Variants in NLRP12 observed in about 807,000 individuals in gnomAD.
The protein encoded by NLRP12 is NLR family pyrin domain containing 12.
In NLRP12, 108 loss-of-function variants were observed where a neutral mutation model predicts 91.2. The observed-to-expected ratio is 1.18, with a 90% confidence interval of 1.01 to 1.39. The LOEUF (loss-of-function observed/expected upper bound fraction) is 1.39, where lower values mean the gene tolerates loss of function less well. Among genes scored for constraint, NLRP12 ranks in the 40% most tolerant of loss-of-function variants. The pLI is 0.00. For synonymous variants in NLRP12, 613 were observed against 566.7 expected, an observed-to-expected ratio of 1.08 and a Z score of -1.16; for missense variants, 1,530 against 1,352.7, an observed-to-expected ratio of 1.13 and a Z score of -2.06.
At position 53,798,333 on chromosome 19, in the gene NLRP12, A is replaced by G. The variant is rs1021523642; in HGVS notation, c.2837T>C (p.Leu946Pro). Residue 946 changes from leucine (L) to proline (P), a missense_variant, in exon 8 of 10, where the codon CTG becomes CCG. Coordinates refer to ENST00000324134, the MANE Select transcript of NLRP12 (RefSeq NM_144687.4). The part of the protein sequence containing the change: ...VLQANHNLRE[L>P]DLSFNDLGDW... ...TCCCAGGTCGTTGAAACTCAAGTCC[A>G]GCTCCCGGAGGTTGTGGTTGGCCTG... 2.5e-6 allele frequency: 4 copies of G among 1,613,990 alleles called. No homozygotes were observed. The highest frequency in any genetic ancestry group is 2.2e-5 in the East Asian group (1 of 44,878).
intron 1 of NLRP12, among the ~76,000 whole-genome samples, chr19:53,818,626 C>T (rs1243437646): frequency 6.6e-6 from 1 of 152,092 alleles, no homozygotes; most frequent in Non-Finnish European, 1.5e-5. Flanking sequence ...GAACGCACCA[C>T]TGCACTCCGG....
At chr19:53,798,446 G>A (rs1291553816) in intron 7 of NLRP12, 33 bp from the exon 8 acceptor site, 3 of 1,603,614 alleles carry the variant, frequency 1.9e-6, no homozygotes, top group Non-Finnish European at 2.6e-6. Context: ...CGGAGTGGGA[G>A]GCATTCCTCC....
chr19:53,823,740 G>C (rs1347065403), intron 1 of NLRP12, 146 bp downstream of exon 1: 1 of 909,604 alleles, frequency 1.1e-6, no homozygotes, highest in Non-Finnish European at 1.8e-6. Context: ...GGTAGAGACA[G>C]AGCCTCACTA....
chr19:53,807,494 C>A lies in NLRP12; in HGVS notation c.2243+1G>T. ...AAACGCCCAGACCAGCCTGCACTCA[C>A]CTCAGGTTCTGAAGTTTGCAGTTGG... On this transcript the variant is annotated splice_donor_variant, in intron 4 of 9. Transcript: ENST00000324134. LOFTEE classifies it high-confidence loss of function. 1 of 1,613,598 alleles carries A rather than the reference C, an allele frequency of 6.2e-7. No individual in the cohort carries two copies. Among genetic ancestry groups the A allele is most frequent in the Non-Finnish European group, 8.5e-7 (1 of 1,179,798 alleles).
At chr19:53,813,132 C>T (rs1255440539) in intron 2 of NLRP12, among the ~76,000 whole-genome samples, 1 of 151,410 alleles carries the variant, frequency 6.6e-6, no homozygotes, top group African/African-American at 2.4e-5. Flanking sequence ...CTGCCCGCCT[C>T]GGCCTCTCAA....
rs201250882 is a variant in NLRP12, at chr19:53,798,430, C to T, written c.2757-17G>A. On this transcript the variant is annotated splice_polypyrimidine_tract_variant and intron_variant, in intron 7 of 9. Transcript: ENST00000324134. ...ATGCCCAACCTGCAAAGACAGGATG[C>T]TAGGGCGGAGTGGGAGGCATTCCTC... 3 of 1,611,986 alleles carry T rather than the reference C, an allele frequency of 1.9e-6. No individual in the cohort carries two copies. Among genetic ancestry groups the T allele is most frequent in the East Asian group, 4.5e-5 (2 of 44,772 alleles).
At chr19:53,815,934 ATT>A (rs576400966) in intron 1 of NLRP12, among the ~76,000 whole-genome samples, 9 of 135,496 alleles carry the variant, frequency 6.6e-5, no homozygotes, top group Admixed American at 7.5e-5. Flanking sequence ...AAATATTTTA[ATT>A]TTTTTTTTTT....
intron 8 of NLRP12, among the ~76,000 whole-genome samples, chr19:53,796,639 C>A (rs180704483): frequency 7.2e-4 from 110 of 152,188 alleles, no homozygotes; most frequent in Non-Finnish European, 1.2e-3. Context: ...CAACCTTGGC[C>A]TCCCAAAGTG....
At chr19:53,797,720 T>G (rs560272161) in intron 8 of NLRP12, among the ~76,000 whole-genome samples, 1 of 147,632 alleles carries the variant, frequency 6.8e-6, no homozygotes, top group Non-Finnish European at 1.5e-5. Flanking sequence ...GCCCAGCCTC[T>G]TTTGTAATTT....
At chr19:53,802,369 G>A (rs114650211) in intron 6 of NLRP12, among the ~76,000 whole-genome samples, 2,736 of 151,934 alleles carry the variant, frequency 0.018, 90 homozygotes, top group African/African-American at 0.063. Flanking sequence ...TGAAAACCAC[G>A]ATAAGATAGC....
intron 4 of NLRP12, among the ~76,000 whole-genome samples, chr19:53,806,254 T>G (rs2091956361): frequency 6.6e-6 from 1 of 150,716 alleles, no homozygotes; most frequent in Admixed American, 6.6e-5. Flanking sequence ...ATGAAAAAAA[T>G]TTGGCTAGGC....
intron 8 of NLRP12, among the ~76,000 whole-genome samples, chr19:53,797,289 G>T (rs761120628): frequency 2.0e-5 from 3 of 151,862 alleles, no homozygotes; most frequent in African/African-American, 7.3e-5. Flanking sequence ...CCACCACCAC[G>T]CCAGGCTAAT....
chr19:53,799,838 A>C (rs2091837600), intron 7 of NLRP12, among the ~76,000 whole-genome samples: 1 of 152,086 alleles, frequency 6.6e-6, no homozygotes, highest in South Asian at 2.1e-4. Context: ...TAGGATCATA[A>C]ATCTAGGAAC....
Position 53,823,991 on chromosome 19 carries a change from TGATGAGCA to T in NLRP12, c.176_183del (p.Leu59HisfsTer17), listed in dbSNP as rs1307106759. 5 of 1,614,100 alleles carry T rather than the reference TGATGAGCA, an allele frequency of 3.1e-6. No individual in the cohort carries two copies. The highest frequency in any genetic ancestry group is 1.7e-4 in the Middle Eastern group (1 of 6,060). ...CAGGCCTCCTCTGGCCCGAAGTGGGTGATGAGCAGCTGGGCCATTTCCAGGGGACCGGC... is the reference window on the plus strand; with the variant it reads ...CAGGCCTCCTCTGGCCCGAAGTGGGTGCTGGGCCATTTCCAGGGGACCGGC... On this transcript the variant is annotated frameshift_variant, in exon 1 of 10. Coordinates refer to ENST00000324134, the MANE Select transcript of NLRP12 (RefSeq NM_144687.4). LOFTEE classifies it high-confidence loss of function.
intron 3 of NLRP12, chr19:53,808,022 T>A (rs1394964008): frequency 5.6e-6 from 2 of 359,962 alleles, no homozygotes; most frequent in East Asian, 1.4e-4. Flanking sequence ...AGTGCTGGGA[T>A]TACAGGCGTG....
intron 7 of NLRP12, among the ~76,000 whole-genome samples, chr19:53,800,032 G>A (rs952385681): frequency 1.3e-5 from 2 of 152,122 alleles, no homozygotes; most frequent in Non-Finnish European, 2.9e-5. Flanking sequence ...CAGGCGCAGT[G>A]GCTCACGCCT....
At chr19:53,822,795 T>G (rs565340295) in intron 1 of NLRP12, among the ~76,000 whole-genome samples, 1 of 149,506 alleles carries the variant, frequency 6.7e-6, no homozygotes, top group Non-Finnish European at 1.5e-5. Context: ...TGAGATGGGG[T>G]TTCACTCTGT....
intron 5 of NLRP12, among the ~76,000 whole-genome samples, chr19:53,804,328 A>G (rs2091920721): frequency 6.6e-6 from 1 of 151,572 alleles, no homozygotes; most frequent in Non-Finnish European, 1.5e-5. Context: ...AGTAACTGGG[A>G]ATACATGTGT....
rs2091695978 is a variant in NLRP12 at position 53,793,862 on chromosome 19, T to C, written c.*187A>G. On this transcript the variant is annotated 3_prime_UTR_variant, in exon 10 of 10. Coordinates refer to ENST00000324134, the MANE Select transcript of NLRP12 (RefSeq NM_144687.4). ...GGCCTCTCGAAGTGCTAGGATTACATACATGAGCCACCACGCCTGGCCAGC... is the reference window on the plus strand; with the variant it reads ...GGCCTCTCGAAGTGCTAGGATTACACACATGAGCCACCACGCCTGGCCAGC... 1.5e-6 allele frequency: 1 copy of C among 677,894 alleles called. No individual in the cohort carries two copies. Among genetic ancestry groups the C allele is most frequent in the Non-Finnish European group, 2.7e-6 (1 of 371,404 alleles). 42.0% of individuals were successfully genotyped at this position (677,894 alleles called of 1,614,324 possible). A position where few individuals can be genotyped will look rare whatever the true frequency, so the allele number is the denominator to read the frequency against.
Sources: gnomAD v4.1 joint callset for allele counts (sites outside exome capture counted in the v4.1 genomes callset) on GRCh38, gnomAD v4.1.1 for gene constraint, MANE v1.5 for transcripts, NCBI Gene and HGNC (gene_info 2026-07-23, HGNC 2026-07-21) for gene names.